CCDC172: variants seen among roughly 807,000 people sequenced by gnomAD.
CCDC172 encodes coiled-coil domain containing 172.
In CCDC172, 30 loss-of-function variants were observed where a neutral mutation model predicts 38.0. The ratio of observed to expected loss-of-function variants is 0.79; its 90% CI spans 0.59 to 1.07. CCDC172 has a LOEUF of 1.07. CCDC172 is among the 50% of genes least tolerant of loss of function. The probability of loss-of-function intolerance (pLI) is 0.00; values close to 1 mark genes in which losing one functional copy is unlikely to be tolerated. For synonymous variants in CCDC172, 78 were observed against 88.3 expected, an observed-to-expected ratio of 0.88 and a Z score of 0.66; for missense variants, 297 against 290.1, an observed-to-expected ratio of 1.02 and a Z score of -0.17.
chr10:116,337,608 A>G (rs1416995962), intron 3 of CCDC172, among the ~76,000 whole-genome samples: 1 of 152,224 alleles, frequency 6.6e-6, no homozygotes, highest in Non-Finnish European at 1.5e-5. Flanking sequence ...AACTTAGGAC[A>G]CAGAAGCAAT....
At chr10:116,350,564 C>A (rs1452005795) in intron 5 of CCDC172, among the ~76,000 whole-genome samples, 2 of 152,122 alleles carry the variant, frequency 1.3e-5, no homozygotes, top group Non-Finnish European at 2.9e-5. Flanking sequence ...TAAAACAGTT[C>A]ATCACTTTTG....
At chr10:116,359,310 G>T (rs1020022327) in intron 7 of CCDC172, among the ~76,000 whole-genome samples, 1 of 152,150 alleles carries the variant, frequency 6.6e-6, no homozygotes, top group Admixed American at 6.5e-5. Flanking sequence ...AAATTAAGTT[G>T]ATGTTGTTAT....
At chr10:116,340,594 G>A in intron 3 of CCDC172, 140 bp from the exon 4 acceptor site, 3 of 546,642 alleles carry the variant, frequency 5.5e-6, no homozygotes, top group South Asian at 2.6e-5. Context: ...AAAATAAGAT[G>A]TTTGATGCTA....
At chr10:116,351,222 T>A (rs2134938916) in intron 5 of CCDC172, among the ~76,000 whole-genome samples, 1 of 152,298 alleles carries the variant, frequency 6.6e-6, no homozygotes, top group Non-Finnish European at 1.5e-5. Context: ...TCTTTTTTAA[T>A]CTGTTGAATA....
At chr10:116,363,591 AG>A (rs1845088945) in intron 7 of CCDC172, among the ~76,000 whole-genome samples, 1 of 152,160 alleles carries the variant, frequency 6.6e-6, no homozygotes, top group Admixed American at 6.5e-5. Context: ...TTAAACCTCT[AG>A]TGTGATTAAG....
intron 7 of CCDC172, among the ~76,000 whole-genome samples, chr10:116,372,848 GA>G: frequency 6.6e-6 from 1 of 152,108 alleles, no homozygotes; most frequent in East Asian, 1.9e-4. Context: ...CTTCTCATCA[GA>G]AATCATGCAA....
chr10:116,326,123 G>A (rs995892553), intron 3 of CCDC172, among the ~76,000 whole-genome samples: 3 of 152,178 alleles, frequency 2.0e-5, no homozygotes, highest in Non-Finnish European at 4.4e-5. Context: ...GTGGGTTTAG[G>A]TAGCCTAGTA....
At chr10:116,327,645 C>T (rs1252454877) in intron 3 of CCDC172, among the ~76,000 whole-genome samples, 2 of 152,128 alleles carry the variant, frequency 1.3e-5, no homozygotes, top group East Asian at 1.9e-4. Flanking sequence ...GCATGCATTG[C>T]TTTTTAACCA....
chr10:116,324,836 A>ACTG, intron 1 of CCDC172, 111 bp from the exon 2 acceptor site: 1 of 614,238 alleles, frequency 1.6e-6, no homozygotes. Context: ...CCCCTCAGAC[A>ACTG]CCGTCTGGCG....
rs751230689 is a variant in CCDC172, at chr10:116,340,856, T to C, written c.282+6T>C. ...ATATGCTTCTTCAAACCTTTGTAAG[T>C]TTCCAGCCACCTAGAAAAATCTATT... On this transcript the variant is annotated splice_donor_region_variant and intron_variant, in intron 4 of 8. Coordinates refer to ENST00000333254, the MANE Select transcript of CCDC172 (RefSeq NM_198515.3). 1 of 1,385,596 alleles carries C rather than the reference T, an allele frequency of 7.2e-7. No individual in the cohort carries two copies. Among genetic ancestry groups the C allele is most frequent in the Non-Finnish European group, 1.0e-6 (1 of 980,064 alleles). 85.8% of individuals were successfully genotyped at this position (1,385,596 alleles called of 1,614,324 possible). A position where few individuals can be genotyped will look rare whatever the true frequency, so the allele number is the denominator to read the frequency against.
intron 5 of CCDC172, among the ~76,000 whole-genome samples, chr10:116,352,883 A>C (rs1789144716): frequency 6.6e-6 from 1 of 152,174 alleles, no homozygotes; most frequent in Non-Finnish European, 1.5e-5. Flanking sequence ...TAAGGAATCT[A>C]CAGGAAAACT....
Position 116,379,406 on chromosome 10 carries a change from G to T in CCDC172, c.*48G>T, listed in dbSNP as rs755754206. 1 of 1,340,414 alleles carries T rather than the reference G, an allele frequency of 7.5e-7. No homozygotes were observed. Among genetic ancestry groups the T allele is most frequent in the Non-Finnish European group, 1.0e-6 (1 of 966,750 alleles). The allele number at this position is 1,340,414 out of a possible 1,614,324, so 83.0% of individuals were successfully genotyped here. A position where few individuals can be genotyped will look rare whatever the true frequency, so the allele number is the denominator to read the frequency against. On this transcript the variant is annotated 3_prime_UTR_variant, in exon 9 of 9. Transcript: ENST00000333254. ...TCTGAGATTTGATCAGAATATCTGA[G>T]AATCAAATCTTTGTGATAGATATAT...
intron 4 of CCDC172, among the ~76,000 whole-genome samples, chr10:116,341,416 T>C (rs1474064702): frequency 1.3e-5 from 2 of 152,074 alleles, no homozygotes; most frequent in African/African-American, 2.4e-5. Flanking sequence ...TTGACATAGC[T>C]TAGAAAAATA....
intron 7 of CCDC172, among the ~76,000 whole-genome samples, chr10:116,376,423 G>A (rs1209031588): frequency 1.3e-5 from 2 of 152,064 alleles, no homozygotes; most frequent in Non-Finnish European, 2.9e-5. Flanking sequence ...CCAGGCTCTA[G>A]CCTTCTACCT....
rs1053648193 is a variant in CCDC172, at chr10:116,379,681, A to G, written c.*323A>G. On this transcript the variant is annotated 3_prime_UTR_variant, in exon 9 of 9. Transcript: ENST00000333254. ...TCCTATTCTTTCTAATCTATATAAT[A>G]TGGTTTGGATCTGTGTCCATGCCCA... The G allele has an allele frequency of 5.3e-6, 1 of 188,010 alleles. No individual in the cohort carries two copies. The highest frequency in any genetic ancestry group is 1.1e-5 in the Non-Finnish European group (1 of 91,990). 11.6% of individuals were successfully genotyped at this position (188,010 alleles called of 1,614,324 possible). A position where few individuals can be genotyped will look rare whatever the true frequency, so the allele number is the denominator to read the frequency against.
At chr10:116,366,341 CTA>C (rs1434186077) in intron 7 of CCDC172, among the ~76,000 whole-genome samples, 4 of 151,990 alleles carry the variant, frequency 2.6e-5, no homozygotes, top group Admixed American at 2.0e-4. Context: ...GCATGTCGTT[CTA>C]CAATGTGATT....
chr10:116,365,855 A>G (rs535324419), intron 7 of CCDC172, among the ~76,000 whole-genome samples: 6 of 152,268 alleles, frequency 3.9e-5, no homozygotes, highest in East Asian at 1.9e-4. Context: ...TCAGTTGCCT[A>G]CAGTATTCAG....
chr10:116,340,135 G>A (rs768032228), intron 3 of CCDC172, among the ~76,000 whole-genome samples: 3 of 151,764 alleles, frequency 2.0e-5, no homozygotes, highest in Non-Finnish European at 4.4e-5. Context: ...ACAGTTGCAT[G>A]TCTAACATTA....
intron 3 of CCDC172, among the ~76,000 whole-genome samples, chr10:116,337,411 A>G (rs1844744921): frequency 6.6e-6 from 1 of 152,042 alleles, no homozygotes; most frequent in South Asian, 2.1e-4. Flanking sequence ...CGGCCTCCCA[A>G]AGTGCTGGGA....
Sources: gnomAD v4.1 joint callset for allele counts (sites outside exome capture counted in the v4.1 genomes callset) on GRCh38, gnomAD v4.1.1 for gene constraint, MANE v1.5 for transcripts, NCBI Gene and HGNC (gene_info 2026-07-23, HGNC 2026-07-21) for gene names.